The following ZNF469 variants were observed in gnomAD, a reference collection of about 807,000 sequenced individuals.
ZNF469 encodes zinc finger protein 469.
ZNF469 carries 1 observed loss-of-function variant against 1.0 expected under a neutral mutation model. That is an observed-to-expected ratio of 1.00 (90% CI 0.35 to 4.73). ZNF469 has a LOEUF of 4.73. Ranked by LOEUF, ZNF469 falls within the 30% of genes most tolerant of loss-of-function variation. The probability of loss-of-function intolerance (pLI) is 0.16; values close to 1 mark genes in which losing one functional copy is unlikely to be tolerated. For synonymous variants in ZNF469, 2,703 were observed against 2,363.4 expected (o/e 1.14, Z -4.17); for missense variants, 6,100 against 5,356.3 (o/e 1.14, Z -4.33).
chr16:88,126,390 G>A, the ZNF469 span, among the ~76,000 whole-genome samples: 149,442 of 151,418 alleles, frequency 0.99, 73,773 homozygotes, highest in East Asian at 1. Flanking sequence ...GAAACGTCTC[G>A]TATTTCACCA....
the ZNF469 span, among the ~76,000 whole-genome samples, chr16:88,286,069 C>T: frequency 2.0e-5 from 3 of 152,264 alleles, no homozygotes; most frequent in South Asian, 2.1e-4. Flanking sequence ...CCAGCCCACT[C>T]GGTGCCTCCA....
At chr16:88,341,003 C>G in the ZNF469 span, among the ~76,000 whole-genome samples, 6 of 152,262 alleles carry the variant, frequency 3.9e-5, no homozygotes, top group South Asian at 4.1e-4. Flanking sequence ...TGGCGTCTGG[C>G]TGGCAGCCCT....
chr16:88,273,860 A>G, the ZNF469 span, among the ~76,000 whole-genome samples: 2 of 144,442 alleles, frequency 1.4e-5, no homozygotes, highest in African/African-American at 5.1e-5. Context: ...GCTGGAGTGC[A>G]GTGGCGCGAT....
At chr16:88,218,075 C>T in the ZNF469 span, among the ~76,000 whole-genome samples, 1 of 145,026 alleles carries the variant, frequency 6.9e-6, no homozygotes, top group African/African-American at 2.5e-5. Context: ...AAAAGTGTTC[C>T]TATTTCTCCA....
the ZNF469 span, among the ~76,000 whole-genome samples, chr16:88,294,159 G>T: frequency 6.6e-6 from 1 of 152,228 alleles, no homozygotes; most frequent in African/African-American, 2.4e-5. Flanking sequence ...AAAGTTGCTT[G>T]TGGCAGAAAC....
the ZNF469 span, among the ~76,000 whole-genome samples, chr16:88,159,842 A>C: frequency 6.6e-6 from 1 of 152,210 alleles, no homozygotes; most frequent in Admixed American, 6.5e-5. Flanking sequence ...CCACAAAGCA[A>C]GGATGGTCCC....
At chr16:88,343,666 G>T in the ZNF469 span, among the ~76,000 whole-genome samples, 3 of 152,094 alleles carry the variant, frequency 2.0e-5, no homozygotes, top group Non-Finnish European at 2.9e-5. Flanking sequence ...TGGCAAGGGG[G>T]CTGAGCCTGG....
At chr16:88,142,392 G>C in the ZNF469 span, among the ~76,000 whole-genome samples, 1 of 152,340 alleles carries the variant, frequency 6.6e-6, no homozygotes, top group South Asian at 2.1e-4. Flanking sequence ...TGGCGGGCCA[G>C]AATCCTGCGA....
chr16:88,326,310 C>T, the ZNF469 span, among the ~76,000 whole-genome samples: 1 of 152,196 alleles, frequency 6.6e-6, no homozygotes, highest in Admixed American at 6.5e-5. Flanking sequence ...TGCCTGCTGC[C>T]ATCCATTTAA....
chr16:88,398,416 G>GA (rs769469963), intron 1 of ZNF469, among the ~76,000 whole-genome samples: 9 of 151,870 alleles, frequency 5.9e-5, no homozygotes, highest in Non-Finnish European at 1.0e-4. Flanking sequence ...CAGATGAAGG[G>GA]ACATGTGGGC....
At chr16:88,115,500 A>C in the ZNF469 span, among the ~76,000 whole-genome samples, 1 of 151,380 alleles carries the variant, frequency 6.6e-6, no homozygotes, top group African/African-American at 2.4e-5. Context: ...TCCTGAGTTG[A>C]CCCTGGTTTA....
At chr16:88,150,718 C>G in the ZNF469 span, among the ~76,000 whole-genome samples, 1 of 128,770 alleles carries the variant, frequency 7.8e-6, no homozygotes, top group African/African-American at 3.0e-5. Context: ...GATTCGGGAG[C>G]TTTGAGCTTT....
chr16:88,437,768 T>TCGAC lies in ZNF469; in HGVS notation c.10301_10304dup (p.His3436ProfsTer68). ...TACACCTTCGCCAAGAAGGAGCAGT[T>TCGAC]CGACCGCCACATGAACAAGCACCTC... is the stretch of plus-strand genomic sequence containing the variant. On this transcript the variant is annotated frameshift_variant, in exon 3 of 3. Coordinates refer to ENST00000565624, the MANE Select transcript of ZNF469 (RefSeq NM_001367624.2). LOFTEE classifies it low-confidence loss of function (END_TRUNC). 1 of 1,549,480 alleles carries TCGAC rather than the reference T, an allele frequency of 6.5e-7. No individual in the cohort carries two copies. The highest frequency in any genetic ancestry group is 8.7e-7 in the Non-Finnish European group (1 of 1,146,414).
chr16:88,173,390 A>G, the ZNF469 span, among the ~76,000 whole-genome samples: 3 of 152,334 alleles, frequency 2.0e-5, no homozygotes, highest in African/African-American at 7.2e-5. Flanking sequence ...TAAAAATATC[A>G]TTCAAAATTG....
the ZNF469 span, among the ~76,000 whole-genome samples, chr16:88,338,494 C>G: frequency 6.6e-6 from 1 of 152,176 alleles, no homozygotes; most frequent in East Asian, 1.9e-4. Context: ...TTGCCCCGCA[C>G]AAGTATTGGG....
the ZNF469 span, among the ~76,000 whole-genome samples, chr16:88,244,381 G>C: frequency 1.5e-5 from 2 of 135,670 alleles, no homozygotes; most frequent in Non-Finnish European, 3.2e-5. Context: ...GGGTGGATGG[G>C]TGAATGCATG....
chr16:88,384,712 G>A (rs1364827232), intron 1 of ZNF469, among the ~76,000 whole-genome samples: 1 of 152,208 alleles, frequency 6.6e-6, no homozygotes, highest in African/African-American at 2.4e-5. Context: ...ACAGGTGAAG[G>A]GTGTGTGGCT....
chr16:88,250,863 C>A, the ZNF469 span, among the ~76,000 whole-genome samples: 1 of 151,786 alleles, frequency 6.6e-6, no homozygotes, highest in Non-Finnish European at 1.5e-5. Flanking sequence ...CCTACCTGTT[C>A]GGGGTTTTTC....
At chr16:88,101,383 C>T in the ZNF469 span, among the ~76,000 whole-genome samples, 15 of 152,300 alleles carry the variant, frequency 9.8e-5, no homozygotes, top group African/African-American at 3.1e-4. Flanking sequence ...TGGTTAGGGG[C>T]GTCCTCCCCA....
Sources: gnomAD v4.1 joint callset for allele counts (sites outside exome capture counted in the v4.1 genomes callset) on GRCh38, gnomAD v4.1.1 for gene constraint, MANE v1.5 for transcripts, NCBI Gene and HGNC (gene_info 2026-07-23, HGNC 2026-07-21) for gene names.